The following SSH2 variants were observed in gnomAD, a reference collection of about 807,000 sequenced individuals.
The protein encoded by SSH2 is protein phosphatase Slingshot homolog 2.
Under a neutral mutation model 135.2 loss-of-function variants are expected in SSH2, and 37 were observed. The ratio of observed to expected loss-of-function variants is 0.27; its 90% CI spans 0.21 to 0.36. The LOEUF (loss-of-function observed/expected upper bound fraction) is 0.36. Ranked by LOEUF, SSH2 falls within the 10% of genes least tolerant of loss-of-function variation. SSH2 has a pLI of 1.00. For missense variants in SSH2, 1,408 were observed against 1,765.3 expected (o/e 0.80, Z 3.63); for synonymous variants, 628 against 646.2 (o/e 0.97, Z 0.43).
intron 2 of SSH2, among the ~76,000 whole-genome samples, chr17:29,825,404 TA>T (rs2042726305): frequency 6.6e-6 from 1 of 152,148 alleles, no homozygotes; most frequent in Admixed American, 6.5e-5. Context: ...AAAATTTCAG[TA>T]AAAAAATTTA....
At chr17:29,855,980 T>G (rs1295548029) in intron 1 of SSH2, 2 of 352,058 alleles carry the variant, frequency 5.7e-6, no homozygotes, top group Admixed American at 3.6e-5. Context: ...TTTGTAATCA[T>G]GTACAGAACA....
chr17:29,773,005 C>G (rs1336204579), intron 3 of SSH2, among the ~76,000 whole-genome samples: 1 of 150,812 alleles, frequency 6.6e-6, no homozygotes. Flanking sequence ...ATTGCATGAG[C>G]CAATTCCCCA....
intron 9 of SSH2, among the ~76,000 whole-genome samples, 158 bp downstream of exon 9, chr17:29,671,776 AG>A (rs1477860294): frequency 6.6e-6 from 1 of 152,224 alleles, no homozygotes; most frequent in East Asian, 1.9e-4. Context: ...CAGCAAGAAT[AG>A]GATTCTTCAT....
intron 4 of SSH2, among the ~76,000 whole-genome samples, chr17:29,697,217 C>T (rs1423177965): frequency 2.0e-5 from 3 of 152,102 alleles, no homozygotes; most frequent in Non-Finnish European, 4.4e-5. Context: ...TTATGAAAAT[C>T]TGTGAACAAA....
At chr17:29,824,648 C>T (rs572453735) in intron 2 of SSH2, among the ~76,000 whole-genome samples, 8 of 152,216 alleles carry the variant, frequency 5.3e-5, no homozygotes, top group Middle Eastern at 3.4e-3. Flanking sequence ...TGGATACCTA[C>T]CAACCTGAAC....
intron 1 of SSH2, among the ~76,000 whole-genome samples, chr17:29,854,336 A>T (rs1418092864): frequency 6.6e-6 from 1 of 151,900 alleles, no homozygotes; most frequent in African/African-American, 2.4e-5. Context: ...TGAACAGGTT[A>T]CAAAAACAGT....
At chr17:29,818,744 AT>A (rs987464513) in intron 2 of SSH2, among the ~76,000 whole-genome samples, 34 of 152,034 alleles carry the variant, frequency 2.2e-4, no homozygotes, top group South Asian at 4.2e-4. Context: ...TTAGTTAAAT[AT>A]TTTTTTTCAT....
intron 3 of SSH2, among the ~76,000 whole-genome samples, chr17:29,729,895 T>C (rs761595172): frequency 1.1e-4 from 16 of 152,182 alleles, no homozygotes; most frequent in Non-Finnish European, 1.2e-4. Flanking sequence ...GCAAGGCTAG[T>C]AGTTGTGGAG....
intron 1 of SSH2, among the ~76,000 whole-genome samples, chr17:29,913,348 ATATATATAT>A (rs1210771733): frequency 2.0e-3 from 27 of 13,684 alleles, no homozygotes; most frequent in African/African-American, 5.4e-3. Flanking sequence ...AAAAAAAAAA[ATATATATAT>A]ATATATATAT....
chr17:29,638,412 T>C (rs1373757795), intron 14 of SSH2, among the ~76,000 whole-genome samples: 2 of 150,442 alleles, frequency 1.3e-5, no homozygotes, highest in African/African-American at 4.9e-5. Context: ...TAGAATAATA[T>C]AGGAAAAAAT....
intron 3 of SSH2, among the ~76,000 whole-genome samples, chr17:29,763,744 T>G (rs915783575): frequency 3.3e-5 from 5 of 152,208 alleles, no homozygotes; most frequent in African/African-American, 1.2e-4. Context: ...GTATCTTGTC[T>G]TTTATAAATA....
intron 12 of SSH2, among the ~76,000 whole-genome samples, chr17:29,652,709 A>G (rs1365764348): frequency 6.6e-6 from 1 of 152,256 alleles, no homozygotes; most frequent in East Asian, 1.9e-4. Context: ...CCAGATCTGG[A>G]GTGCAATGGC....
At chr17:29,682,561 G>C (rs79691118) in intron 6 of SSH2, among the ~76,000 whole-genome samples, 20 of 152,262 alleles carry the variant, frequency 1.3e-4, no homozygotes, top group African/African-American at 4.8e-4. Context: ...AGAGGCAGGA[G>C]CTCAGGAGTT....
chr17:29,721,280 GAAGTT>G lies in SSH2; in HGVS notation c.189-18223_189-18219del, dbSNP rs2039814750. Reference sequence around the variant, plus strand: ...TGTGTTTTAAATGTATCAGAGAAAAGAAGTTAAGATTCATTATATATTTGCTCCAG... The same window carrying G: ...TGTGTTTTAAATGTATCAGAGAAAAGAAGATTCATTATATATTTGCTCCAG... On this transcript the variant is annotated intron_variant, in intron 3 of 15. Transcript: ENST00000540801. Among the ~76,000 whole-genome samples, 3 of 151,954 alleles carry G rather than the reference GAAGTT, an allele frequency of 2.0e-5. No individual in the cohort carries two copies. The South Asian group carries it at 6.3e-4, about 32-fold the overall frequency.
At chr17:29,796,530 C>T (rs1054167499) in intron 2 of SSH2, among the ~76,000 whole-genome samples, 2 of 151,632 alleles carry the variant, frequency 1.3e-5, no homozygotes, top group African/African-American at 4.8e-5. Flanking sequence ...TTAGTAGAGA[C>T]GGGCTTTCTC....
chr17:29,714,090 G>A (rs1172543482), intron 3 of SSH2, among the ~76,000 whole-genome samples: 4 of 152,094 alleles, frequency 2.6e-5, no homozygotes, highest in Non-Finnish European at 5.9e-5. Context: ...CTAAATTCTA[G>A]ATGTAAATAC....
At chr17:29,770,686 T>A (rs1312345659) in intron 3 of SSH2, among the ~76,000 whole-genome samples, 4 of 152,116 alleles carry the variant, frequency 2.6e-5, no homozygotes, top group Admixed American at 6.6e-5. Flanking sequence ...TTGGCCTGAC[T>A]GGTCTCGAAC....
chr17:29,903,111 G>C (rs1420006640), intron 1 of SSH2, among the ~76,000 whole-genome samples: 1 of 151,830 alleles, frequency 6.6e-6, no homozygotes, highest in East Asian at 1.9e-4. Flanking sequence ...GCCTGAGCAC[G>C]AGAAGTAGAG....
At chr17:29,928,452 T>C (rs1328701705) in intron 1 of SSH2, 2 of 398,282 alleles carry the variant, frequency 5.0e-6, no homozygotes, top group Non-Finnish European at 8.9e-6. Context: ...CAAAATGTTC[T>C]CCAGCCTTTG....
Sources: allele counts gnomAD v4.1 joint callset (sites outside exome capture counted in the v4.1 genomes callset), GRCh38; gene constraint gnomAD v4.1.1; transcripts MANE v1.5; gene names NCBI Gene and HGNC (gene_info 2026-07-23, HGNC 2026-07-21).